Variants in NRXN1 observed in about 807,000 individuals in gnomAD.
NRXN1 encodes neurexin-1.
Under a neutral mutation model 150.9 loss-of-function variants are expected in NRXN1, and 39 were observed. The observed-to-expected ratio is 0.26, with a 90% CI of 0.20 to 0.34. The LOEUF is 0.34. Among genes scored for constraint, NRXN1 ranks in the 10% least tolerant of loss-of-function variants. The pLI is 1.00. For missense variants in NRXN1, 1,815 were observed against 1,949.9 expected, an observed-to-expected ratio of 0.93 and a Z score of 1.30; for synonymous variants, 924 against 757.0, an observed-to-expected ratio of 1.22 and a Z score of -3.62.
At chr2:50,836,809 A>G (rs562398562) in intron 5 of NRXN1, among the ~76,000 whole-genome samples, 1 of 151,850 alleles carries the variant, frequency 6.6e-6, no homozygotes, top group African/African-American at 2.4e-5. Flanking sequence ...AGTATATGAG[A>G]AATATTTAAA....
rs577823163 is a variant in NRXN1, at chr2:50,653,508, A to T, written c.833-29893T>A. On this transcript the variant is annotated intron_variant, in intron 5 of 22. Coordinates refer to ENST00000401669, the MANE Select transcript of NRXN1 (RefSeq NM_001330078.2). Reference sequence around the variant, plus strand: ...TTGTAAATACACCAACTTAGGTTACAATTCACTATGTCTAGAGAAACTTTT... The same window carrying T: ...TTGTAAATACACCAACTTAGGTTACTATTCACTATGTCTAGAGAAACTTTT... Among the ~76,000 whole-genome samples, 18 of 152,172 alleles carry T rather than the reference A, an allele frequency of 1.2e-4. 1 individual carries two copies. In the South Asian group the frequency reaches 3.3e-3, roughly 28 times the overall value.
At chr2:50,032,164 A>G (rs1434090825) in intron 21 of NRXN1, among the ~76,000 whole-genome samples, 2 of 152,102 alleles carry the variant, frequency 1.3e-5, no homozygotes, top group African/African-American at 4.8e-5. Context: ...AAAGAATATG[A>G]TTCTAAATAT....
intron 5 of NRXN1, among the ~76,000 whole-genome samples, chr2:50,845,294 C>T (rs577588832): frequency 1.9e-4 from 29 of 152,258 alleles, no homozygotes; most frequent in Non-Finnish European, 2.8e-4. Context: ...CTACCATCTA[C>T]GAACACTTAC....
chr2:50,795,371 C>G (rs1345758285), intron 5 of NRXN1, among the ~76,000 whole-genome samples: 1 of 152,118 alleles, frequency 6.6e-6, no homozygotes, highest in African/African-American at 2.4e-5. Flanking sequence ...ACCACTGTGT[C>G]AGCGGCATCA....
intron 17 of NRXN1, among the ~76,000 whole-genome samples, chr2:50,258,547 T>G (rs2067945344): frequency 6.6e-6 from 1 of 152,044 alleles, no homozygotes; most frequent in Admixed American, 6.6e-5. Context: ...GTCTTGAGCC[T>G]GTCAAAGTCA....
chr2:50,718,194 T>C (rs1696114368), intron 5 of NRXN1, among the ~76,000 whole-genome samples: 1 of 152,174 alleles, frequency 6.6e-6, no homozygotes, highest in Non-Finnish European at 1.5e-5. Flanking sequence ...AATAGGTTCC[T>C]CTCTTTGGGA....
chr2:50,515,943 C>A (rs532082969), intron 12 of NRXN1, among the ~76,000 whole-genome samples: 1 of 152,200 alleles, frequency 6.6e-6, no homozygotes, highest in Non-Finnish European at 1.5e-5. Flanking sequence ...TACTATTTGA[C>A]TTTCCCATTA....
intron 17 of NRXN1, among the ~76,000 whole-genome samples, chr2:50,302,989 T>C (rs1457636462): frequency 1.3e-5 from 2 of 152,162 alleles, no homozygotes; most frequent in African/African-American, 4.8e-5. Context: ...ATAGATACTT[T>C]ATCTTTTAAG....
intron 17 of NRXN1, among the ~76,000 whole-genome samples, chr2:50,381,227 A>AG (rs1286107073): frequency 6.8e-6 from 1 of 146,920 alleles, no homozygotes; most frequent in African/African-American, 2.6e-5. Flanking sequence ...TATACTTATG[A>AG]GGAAAAAAAA....
chr2:50,355,029 G>A (rs1296241532), intron 17 of NRXN1, among the ~76,000 whole-genome samples: 1 of 151,944 alleles, frequency 6.6e-6, no homozygotes, highest in Non-Finnish European at 1.5e-5. Flanking sequence ...ACTCAAACCA[G>A]GAACCAGAAA....
At chr2:50,192,610 T>TG (rs1225297252) in intron 18 of NRXN1, among the ~76,000 whole-genome samples, 30 of 119,342 alleles carry the variant, frequency 2.5e-4, no homozygotes, top group South Asian at 1.2e-3. Context: ...TACTTTTTTT[T>TG]GGGGGGGGCG....
intron 5 of NRXN1, among the ~76,000 whole-genome samples, chr2:50,703,456 TAAG>T (rs936008053): frequency 9.2e-5 from 14 of 152,208 alleles, no homozygotes; most frequent in Admixed American, 8.5e-4. Flanking sequence ...GGTGGAGGGT[TAAG>T]AAGAAGGAAA....
chr2:50,271,832 AAAGAC>A, intron 17 of NRXN1, among the ~76,000 whole-genome samples: 1 of 152,194 alleles, frequency 6.6e-6, no homozygotes, highest in East Asian at 1.9e-4. Flanking sequence ...AATTTTTTAA[AAAGAC>A]AAGAGAAAAA....
Position 50,177,774 on chromosome 2 carries a change from A to ACTCT in NRXN1, c.3546+59011_3546+59014dup, listed in dbSNP as rs72085403. 7.3e-3 allele frequency among the ~76,000 whole-genome samples: 964 copies of ACTCT among 131,222 alleles called. 8 individuals are homozygous for ACTCT. The highest frequency in any genetic ancestry group is 0.038 in the Middle Eastern group (10 of 266). 86.1% of individuals were successfully genotyped at this position (131,222 alleles called of 152,430 possible). ...CAATTGTAGCTAAACTAACTAACTA[A>ACTCT]CTCTCTCTCTCTCTCTCTCTCTCTC... On this transcript the variant is annotated intron_variant, in intron 18 of 22. Coordinates refer to ENST00000401669, the MANE Select transcript of NRXN1 (RefSeq NM_001330078.2).
At chr2:50,081,083 T>C (rs73932917) in intron 19 of NRXN1, among the ~76,000 whole-genome samples, 5,620 of 152,284 alleles carry the variant, frequency 0.037, 359 homozygotes, top group African/African-American at 0.13. Flanking sequence ...TTCTACTTTA[T>C]TGGATTCCTA....
chr2:50,134,400 G>A lies in NRXN1; in HGVS notation c.3547-42906C>T, dbSNP rs138373255. Among the ~76,000 whole-genome samples, 22 of 152,152 alleles carry A rather than the reference G, an allele frequency of 1.4e-4. No individual in the cohort carries two copies. The East Asian group carries it at 3.5e-3, about 24-fold the overall frequency. Reference sequence around the variant, plus strand: ...TATTCAAGAAAGACTGCACGTGGTGGATAACCAAATAAAATTTCCTTGTAC... The same window carrying A: ...TATTCAAGAAAGACTGCACGTGGTGAATAACCAAATAAAATTTCCTTGTAC... On this transcript the variant is annotated intron_variant, in intron 18 of 22. Transcript: ENST00000401669.
intron 8 of NRXN1, among the ~76,000 whole-genome samples, chr2:50,562,267 A>T (rs1669200006): frequency 6.6e-6 from 1 of 152,060 alleles, no homozygotes; most frequent in Non-Finnish European, 1.5e-5. Context: ...TATATAATAT[A>T]CCATTTAGTA....
At chr2:49,934,084 G>T (rs534480980) in intron 22 of NRXN1, among the ~76,000 whole-genome samples, 1 of 152,228 alleles carries the variant, frequency 6.6e-6, no homozygotes, top group South Asian at 2.1e-4. Context: ...TATGGTTGGA[G>T]TGAATTACAT....
chr2:50,140,343 A>T (rs1219948456), intron 18 of NRXN1, among the ~76,000 whole-genome samples: 1 of 152,112 alleles, frequency 6.6e-6, no homozygotes, highest in African/African-American at 2.4e-5. Context: ...ATTTTTCAGA[A>T]CCTGACCATG....
Sources: allele counts gnomAD v4.1 joint callset (sites outside exome capture counted in the v4.1 genomes callset), GRCh38; gene constraint gnomAD v4.1.1; transcripts MANE v1.5; gene names NCBI Gene and HGNC (gene_info 2026-07-23, HGNC 2026-07-21).